Variants in PPP2R2B observed in about 807,000 individuals in gnomAD.
PPP2R2B encodes protein phosphatase 2 regulatory subunit Bbeta, also known as serine/threonine-protein phosphatase 2A 55 kDa regulatory subunit B beta isoform.
A neutral mutation model predicts 46.0 loss-of-function variants in PPP2R2B; 5 were observed. That is an observed-to-expected ratio of 0.11 (90% CI 0.06 to 0.23). PPP2R2B has a LOEUF of 0.23. Ranked by LOEUF, PPP2R2B falls within the 10% of genes least tolerant of loss-of-function variation. The pLI, the probability that PPP2R2B is intolerant of heterozygous loss-of-function variation, is 1.00. For synonymous variants in PPP2R2B, 215 were observed against 206.7 expected (o/e 1.04, Z -0.34); for missense variants, 367 against 575.0 (o/e 0.64, Z 3.70).
chr5:146,993,502 A>G (rs964373368), intron 1 of PPP2R2B, among the ~76,000 whole-genome samples: 1 of 152,178 alleles, frequency 6.6e-6, no homozygotes, highest in Admixed American at 6.5e-5. Flanking sequence ...TCAGCCTCCC[A>G]AAGTGCTGGG....
intron 2 of PPP2R2B, among the ~76,000 whole-genome samples, chr5:147,066,871 AC>A (rs1757428882): frequency 6.6e-6 from 1 of 152,116 alleles, no homozygotes; most frequent in Non-Finnish European, 1.5e-5. Flanking sequence ...CATGGCCTGA[AC>A]CACTCTGCTG....
chr5:146,923,317 C>T (rs977280276), intron 1 of PPP2R2B, among the ~76,000 whole-genome samples: 1 of 152,206 alleles, frequency 6.6e-6, no homozygotes, highest in Non-Finnish European at 1.5e-5. Context: ...AAACTTGAAA[C>T]AGGCAAAATG....
At position 146,586,643 on chromosome 5, in the gene PPP2R2B, A is replaced by G. The variant is rs1280023529; in HGVS notation, c.*3304T>C. The G allele has an allele frequency of 1.3e-5, 2 of 152,176 alleles. No homozygotes were observed. The highest frequency in any genetic ancestry group is 4.8e-5 in the African/African-American group (2 of 41,444). 9.4% of individuals were successfully genotyped at this position (152,176 alleles called of 1,614,324 possible). ...CTTTATTCCACCTTGCAATTGTTCC[A>G]TCTTATATATGCTGGTTGCCTAATA... On this transcript the variant is annotated 3_prime_UTR_variant, in exon 10 of 10. Transcript: ENST00000394411.
rs139978362 is a variant in PPP2R2B, at chr5:146,753,568, G to A, written c.71-52426C>T. ...GCTGACATTAATTATTGATATTACA[G>A]GGAGGGAGATTCTTGCCAGCCAAGG... On this transcript the variant is annotated intron_variant, in intron 2 of 9. Coordinates refer to ENST00000394411, the MANE Select transcript of PPP2R2B (RefSeq NM_181675.4). Among the ~76,000 whole-genome samples, 348 of 152,242 alleles carry A rather than the reference G, an allele frequency of 2.3e-3. 2 individuals carry two copies. Among genetic ancestry groups the A allele is most frequent in the African/African-American group, 8.0e-3 (333 of 41,540 alleles).
At chr5:146,859,946 A>C (rs1450594323) in intron 2 of PPP2R2B, among the ~76,000 whole-genome samples, 5 of 152,028 alleles carry the variant, frequency 3.3e-5, no homozygotes, top group East Asian at 1.9e-4. Flanking sequence ...TACCTTGGAG[A>C]GATGAAGAAA....
intron 5 of PPP2R2B, among the ~76,000 whole-genome samples, chr5:146,659,785 T>C (rs1776566360): frequency 6.6e-6 from 1 of 152,222 alleles, no homozygotes; most frequent in South Asian, 2.1e-4. Flanking sequence ...TCCCTGGATG[T>C]CAGCTGTCTG....
At position 147,014,670 on chromosome 5, in the gene PPP2R2B, G is replaced by T. The variant is rs1490279776; in HGVS notation, c.79+40995C>A. ...CAAACACCGCATATTCTCACTCATA[G>T]GTGGGAATTGAACAATGAGAACACA... On this transcript the variant is annotated intron_variant, in intron 1 of 8. Transcript: ENST00000336640. 2.6e-5 allele frequency among the ~76,000 whole-genome samples: 4 copies of T among 151,226 alleles called. No homozygotes were observed. The East Asian group carries it at 5.9e-4, about 22-fold the overall frequency.
chr5:146,621,850 G>C (rs1773722902), intron 7 of PPP2R2B, among the ~76,000 whole-genome samples: 1 of 152,140 alleles, frequency 6.6e-6, no homozygotes, highest in African/African-American at 2.4e-5. Context: ...TTAATGACTT[G>C]GTCATGGGGA....
chr5:146,877,944 C>T, intron 2 of PPP2R2B, 58 bp downstream of exon 2: 1 of 1,570,494 alleles, frequency 6.4e-7, no homozygotes, highest in Non-Finnish European at 8.7e-7. Context: ...CCAGGAAGCA[C>T]AGTGATCCGC....
chr5:146,650,602 G>A lies in PPP2R2B; in HGVS notation c.570C>T (p.Ser190=), dbSNP rs373571917. 21 of 1,613,850 alleles carry A rather than the reference G, an allele frequency of 1.3e-5. No homozygotes were observed. Among genetic ancestry groups the A allele is most frequent in the African/African-American group, 1.2e-4 (9 of 74,910 alleles). Residue 190 remains serine (S), a synonymous_variant, in exon 6 of 10, where the codon TCC becomes TCT. Coordinates refer to ENST00000394411, the MANE Select transcript of PPP2R2B (RefSeq NM_181675.4). The part of the protein sequence containing the change: ...SVNSDYETYM[S]ADDLRINLWN... ...ATAGGTTAATCCTCAGGTCATCAGC[G>A]GACATGTAGGTTTCATAGTCGCTGT...
intron 1 of PPP2R2B, among the ~76,000 whole-genome samples, chr5:146,925,159 C>T (rs1763740214): frequency 6.6e-6 from 1 of 152,076 alleles, no homozygotes; most frequent in Admixed American, 6.5e-5. Context: ...AGTCCTATGT[C>T]TTTTAAAGAA....
chr5:146,998,440 G>T (rs1221731434), intron 1 of PPP2R2B, among the ~76,000 whole-genome samples: 1 of 152,208 alleles, frequency 6.6e-6, no homozygotes, highest in Non-Finnish European at 1.5e-5. Flanking sequence ...GAGTGACTCA[G>T]TCTGTGTCTG....
intron 4 of PPP2R2B, among the ~76,000 whole-genome samples, chr5:146,696,991 C>G (rs1160107543): frequency 1.3e-5 from 2 of 152,150 alleles, no homozygotes; most frequent in African/African-American, 4.8e-5. Flanking sequence ...GTATTTCCTT[C>G]CAGTCTTTAA....
intron 5 of PPP2R2B, among the ~76,000 whole-genome samples, chr5:146,680,586 A>G (rs2151136113): frequency 6.6e-6 from 1 of 152,254 alleles, no homozygotes; most frequent in African/African-American, 2.4e-5. Flanking sequence ...CACACTTAAA[A>G]AAAAAAAGTT....
At chr5:146,918,683 G>C (rs1395516005) in intron 1 of PPP2R2B, among the ~76,000 whole-genome samples, 1 of 151,914 alleles carries the variant, frequency 6.6e-6, no homozygotes, top group African/African-American at 2.4e-5. Context: ...TATACTTTTG[G>C]TTCTTCCTGT....
At chr5:146,637,008 G>A (rs763850497) in intron 7 of PPP2R2B, among the ~76,000 whole-genome samples, 27 of 152,234 alleles carry the variant, frequency 1.8e-4, no homozygotes, top group African/African-American at 4.8e-4. Flanking sequence ...TGTCTCAACC[G>A]TCTCTGAATG....
intron 1 of PPP2R2B, among the ~76,000 whole-genome samples, chr5:146,973,378 C>A (rs1752753710): frequency 6.6e-6 from 1 of 152,170 alleles, no homozygotes; most frequent in Non-Finnish European, 1.5e-5. Flanking sequence ...ATAGATTGAC[C>A]TCAATATCTC....
At chr5:146,710,391 G>A (rs753174277) in intron 2 of PPP2R2B, among the ~76,000 whole-genome samples, 1 of 152,142 alleles carries the variant, frequency 6.6e-6, no homozygotes, top group Non-Finnish European at 1.5e-5. Flanking sequence ...CACTAAACAG[G>A]TTTGAATCAA....
chr5:147,043,668 A>C (rs1756416752), intron 1 of PPP2R2B, among the ~76,000 whole-genome samples: 1 of 152,194 alleles, frequency 6.6e-6, no homozygotes, highest in African/African-American at 2.4e-5. Flanking sequence ...CTGCATGCTC[A>C]GTATGTGCAA....
Sources: gnomAD v4.1 joint callset for allele counts (sites outside exome capture counted in the v4.1 genomes callset) on GRCh38, gnomAD v4.1.1 for gene constraint, MANE v1.5 for transcripts, NCBI Gene and HGNC (gene_info 2026-07-23, HGNC 2026-07-21) for gene names.